ADARB2: variants seen among roughly 807,000 people sequenced by gnomAD.
The protein encoded by ADARB2 is inactive double-stranded RNA-specific editase B2.
Under a neutral mutation model 62.2 loss-of-function variants are expected in ADARB2, and 25 were observed. The ratio of observed to expected loss-of-function variants is 0.40; its 90% CI spans 0.29 to 0.56. The LOEUF (loss-of-function observed/expected upper bound fraction) is 0.56. ADARB2 is among the 20% of genes least tolerant of loss of function. The pLI is 0.43. For missense variants in ADARB2, 1,071 were observed against 1,077.4 expected, an observed-to-expected ratio of 0.99 and a Z score of 0.08; for synonymous variants, 572 against 500.8, an observed-to-expected ratio of 1.14 and a Z score of -1.90.
intron 1 of ADARB2, among the ~76,000 whole-genome samples, chr10:1,439,214 T>G (rs568617523): frequency 8.0e-6 from 1 of 125,262 alleles, no homozygotes; most frequent in South Asian, 3.0e-4. Flanking sequence ...ACTATGGGAC[T>G]CCTGAGTCTC....
At chr10:1,192,993 G>A (rs1725441663) in intron 8 of ADARB2, among the ~76,000 whole-genome samples, 1 of 152,254 alleles carries the variant, frequency 6.6e-6, no homozygotes, top group African/African-American at 2.4e-5. Context: ...GAATATGAAT[G>A]TTGAAAACAC....
chr10:1,201,616 T>G (rs1448392048), intron 7 of ADARB2, among the ~76,000 whole-genome samples: 1 of 148,344 alleles, frequency 6.7e-6, no homozygotes, highest in Non-Finnish European at 1.5e-5. Flanking sequence ...GGATCTCGGA[T>G]GGTCGTAAGC....
intron 1 of ADARB2, among the ~76,000 whole-genome samples, chr10:1,630,331 C>T (rs970496953): frequency 1.3e-5 from 2 of 152,010 alleles, no homozygotes; most frequent in Admixed American, 6.6e-5. Context: ...TGGTGATCAA[C>T]GCAGTACAGA....
chr10:1,720,201 AG>A (rs1835072888), intron 1 of ADARB2, among the ~76,000 whole-genome samples: 1 of 152,246 alleles, frequency 6.6e-6, no homozygotes, highest in Non-Finnish European at 1.5e-5. Context: ...GCCATGAAAA[AG>A]AATAAAATCA....
chr10:1,193,163 G>A (rs1053519527), intron 8 of ADARB2, among the ~76,000 whole-genome samples: 2 of 152,204 alleles, frequency 1.3e-5, no homozygotes, highest in African/African-American at 4.8e-5. Flanking sequence ...CAGCAGTGAT[G>A]TCCGGGGATG....
rs890524896 is a variant in ADARB2, at chr10:1,704,797, A to C, written c.100+32254T>G. 1.3e-5 allele frequency among the ~76,000 whole-genome samples: 2 copies of C among 152,214 alleles called. No homozygotes were observed. The highest frequency in any genetic ancestry group is 2.9e-5 in the Non-Finnish European group (2 of 68,036). On this transcript the variant is annotated intron_variant, in intron 1 of 9. Coordinates refer to ENST00000381312, the MANE Select transcript of ADARB2 (RefSeq NM_018702.4). This position sits in a 1 kb window ranked among gnomAD's most constrained non-coding sequence, Gnocchi z 5.6. ...GATAAAAAAGCTAGTGTGGGTCAAG[A>C]TGTTAAAGGGGCAGGGAGTATTGAG...
intron 3 of ADARB2, among the ~76,000 whole-genome samples, chr10:1,344,518 C>A (rs890815613): frequency 6.6e-6 from 1 of 152,198 alleles, no homozygotes; most frequent in Non-Finnish European, 1.5e-5. Flanking sequence ...GGGCGCTGAA[C>A]GCTGAGTATA....
chr10:1,573,734 C>T (rs560646276), intron 1 of ADARB2, among the ~76,000 whole-genome samples: 5 of 152,262 alleles, frequency 3.3e-5, no homozygotes, highest in East Asian at 3.9e-4. Context: ...CCCAGCAGGA[C>T]GGTGCTCTAC....
intron 1 of ADARB2, among the ~76,000 whole-genome samples, chr10:1,614,784 A>G (rs7901763): frequency 0.71 from 107,581 of 151,896 alleles, 38,179 homozygotes; most frequent in African/African-American, 0.77. Context: ...GGTGGCGGGC[A>G]CCTGTAGTCC....
At chr10:1,396,861 TCTCCC>T in intron 1 of ADARB2, among the ~76,000 whole-genome samples, 2 of 115,234 alleles carry the variant, frequency 1.7e-5, no homozygotes, top group African/African-American at 6.9e-5. Context: ...ACCATCAGCC[TCTCCC>T]CTCCCGAGTG....
At chr10:1,217,654 A>G (rs949653513) in intron 6 of ADARB2, among the ~76,000 whole-genome samples, 15 of 152,190 alleles carry the variant, frequency 9.9e-5, no homozygotes, top group Admixed American at 7.2e-4. Flanking sequence ...GCTCCATGGT[A>G]AGCTGGCTGT....
At chr10:1,361,551 C>G (rs1024823434) in intron 3 of ADARB2, 2 of 152,096 alleles carry the variant, frequency 1.3e-5, no homozygotes, top group African/African-American at 4.8e-5. Context: ...AATGGCTTCC[C>G]GAGAGGCAGA....
intron 1 of ADARB2, among the ~76,000 whole-genome samples, chr10:1,702,066 G>A (rs1834829378): frequency 6.6e-6 from 1 of 152,256 alleles, no homozygotes. Context: ...TGCTGATGTA[G>A]AAGCCCTGAT....
At chr10:1,696,494 T>G (rs914134136) in intron 1 of ADARB2, among the ~76,000 whole-genome samples, 2 of 152,208 alleles carry the variant, frequency 1.3e-5, no homozygotes, top group African/African-American at 4.8e-5. Context: ...TAAGCAGCCT[T>G]TTATTTCAAC....
rs144605942 is a variant in ADARB2, at chr10:1,680,074, C to A, written c.100+56977G>T. Among the ~76,000 whole-genome samples the A allele has an allele frequency of 1.9e-3, 284 of 152,186 alleles. 3 individuals are homozygous for A. The highest frequency in any genetic ancestry group is 6.3e-3 in the African/African-American group (262 of 41,528). On this transcript the variant is annotated intron_variant, in intron 1 of 9. Coordinates refer to ENST00000381312, the MANE Select transcript of ADARB2 (RefSeq NM_018702.4). ...GCCTCCCCAGCCTGTTTGCTTGGCACCCATTCCCCTACATATTCTTTCCTG... is the reference window on the plus strand; with the variant it reads ...GCCTCCCCAGCCTGTTTGCTTGGCAACCATTCCCCTACATATTCTTTCCTG...
At chr10:1,430,210 C>A (rs187754588) in intron 1 of ADARB2, among the ~76,000 whole-genome samples, 199 of 152,142 alleles carry the variant, frequency 1.3e-3, no homozygotes, top group Non-Finnish European at 2.3e-3. Flanking sequence ...TACTGAGATA[C>A]AAAGAGCAAC....
intron 1 of ADARB2, among the ~76,000 whole-genome samples, chr10:1,403,013 C>G (rs1356640472): frequency 6.6e-6 from 1 of 151,726 alleles, no homozygotes; most frequent in Non-Finnish European, 1.5e-5. Context: ...GGCGGAAGTC[C>G]GTCTTCCTGC....
intron 3 of ADARB2, among the ~76,000 whole-genome samples, chr10:1,285,486 C>T (rs1447634781): frequency 1.3e-5 from 2 of 152,190 alleles, no homozygotes; most frequent in South Asian, 2.1e-4. Context: ...ACCGGCTGCA[C>T]GTTGGACCAG....
chr10:1,223,475 G>C (rs772435516), intron 6 of ADARB2, among the ~76,000 whole-genome samples: 1 of 152,156 alleles, frequency 6.6e-6, no homozygotes, highest in African/African-American at 2.4e-5. Context: ...TGGTGAGAGA[G>C]GGCATCCCTC....
Sources: gnomAD v4.1 joint callset for allele counts (sites outside exome capture counted in the v4.1 genomes callset) on GRCh38, gnomAD v4.1.1 for gene constraint, Gnocchi (gnomAD v3.1) non-coding constraint, MANE v1.5 for transcripts, NCBI Gene and HGNC (gene_info 2026-07-23, HGNC 2026-07-21) for gene names.